CRYBG1: variants seen among roughly 807,000 people sequenced by gnomAD.
CRYBG1 encodes crystallin beta-gamma domain containing 1.
A neutral mutation model predicts 189.2 loss-of-function variants in CRYBG1; 139 were observed. The ratio of observed to expected loss-of-function variants is 0.73; its 90% CI spans 0.64 to 0.85. The LOEUF (loss-of-function observed/expected upper bound fraction) is 0.85, where lower values mean the gene tolerates loss of function less well. Ranked by LOEUF, CRYBG1 falls within the 40% of genes least tolerant of loss-of-function variation. CRYBG1 has a pLI of 0.00. For synonymous variants in CRYBG1, 1,023 were observed against 1,017.1 expected, an observed-to-expected ratio of 1.01 and a Z score of -0.11; for missense variants, 2,611 against 2,675.8, an observed-to-expected ratio of 0.98 and a Z score of 0.53.
chr6:106,467,005 G>A (rs938452761), intron 2 of CRYBG1, among the ~76,000 whole-genome samples: 1 of 152,180 alleles, frequency 6.6e-6, no homozygotes, highest in Non-Finnish European at 1.5e-5. Flanking sequence ...CTCAGAAACC[G>A]ACTGAGAGGC....
At chr6:106,429,710 A>G (rs933757441) in intron 1 of CRYBG1, among the ~76,000 whole-genome samples, 2 of 152,220 alleles carry the variant, frequency 1.3e-5, no homozygotes, top group Non-Finnish European at 2.9e-5. Context: ...CTGTAGGCCC[A>G]TTACTTAACC....
At chr6:106,423,252 T>G (rs892105736) in intron 1 of CRYBG1, among the ~76,000 whole-genome samples, 1 of 22,138 alleles carries the variant, frequency 4.5e-5, no homozygotes, top group African/African-American at 1.3e-4. Flanking sequence ...AGTTGGCTGG[T>G]TTTTTTTTTT....
At chr6:106,524,459 G>A (rs567944435) in intron 4 of CRYBG1, among the ~76,000 whole-genome samples, 31 of 152,200 alleles carry the variant, frequency 2.0e-4, no homozygotes, top group African/African-American at 6.3e-4. Context: ...CCAGCTACTC[G>A]GGAGGCTGAG....
intron 2 of CRYBG1, among the ~76,000 whole-genome samples, chr6:106,487,367 T>G (rs1772615145): frequency 1.3e-5 from 2 of 152,210 alleles, no homozygotes; most frequent in Non-Finnish European, 2.9e-5. Flanking sequence ...TTACCTATAT[T>G]GGTGAGTTTT....
intron 1 of CRYBG1, among the ~76,000 whole-genome samples, chr6:106,382,180 A>G (rs1263545386): frequency 2.0e-5 from 3 of 152,196 alleles, no homozygotes; most frequent in African/African-American, 7.2e-5. Flanking sequence ...TGTTGACAGT[A>G]CACGTGTGGT....
chr6:106,525,497 A>C, intron 6 of CRYBG1, 111 bp downstream of exon 6: 1 of 799,056 alleles, frequency 1.3e-6, no homozygotes, highest in Middle Eastern at 2.5e-4. Context: ...AATGAAAAGC[A>C]CAGGAAATAC....
intron 2 of CRYBG1, among the ~76,000 whole-genome samples, chr6:106,480,672 GA>G (rs144085216): frequency 0.22 from 29,652 of 137,896 alleles, 4,153 homozygotes; most frequent in African/African-American, 0.39. Context: ...ATCTCAAAAA[GA>G]AAAAAAAAAA....
At chr6:106,505,180 C>T (rs147441165) in intron 2 of CRYBG1, among the ~76,000 whole-genome samples, 63 of 151,982 alleles carry the variant, frequency 4.1e-4, no homozygotes, top group African/African-American at 1.3e-3. Flanking sequence ...CTGCAACCTC[C>T]GCCTCCCGGG....
In CRYBG1 at chr6:106,393,183, T is replaced by G. The variant is rs149481927; in HGVS notation, c.173+32102T>G. ...GCTGTTGGTTTCTAAATTGTAAACA[T>G]TGGGCTAGCTCATCAGAGTTCTGAG... On this transcript the variant is annotated intron_variant, in intron 1 of 21. Transcript: ENST00000633556. 3.9e-3 allele frequency among the ~76,000 whole-genome samples: 587 copies of G among 152,330 alleles called. 5 individuals are homozygous for G. Among genetic ancestry groups the G allele is most frequent in the African/African-American group, 0.014 (562 of 41,580 alleles).
At chr6:106,392,133 G>C (rs1230876804) in intron 1 of CRYBG1, among the ~76,000 whole-genome samples, 2 of 152,066 alleles carry the variant, frequency 1.3e-5, no homozygotes, top group Non-Finnish European at 2.9e-5. Flanking sequence ...TAGTCCCCGC[G>C]AATCTGTGTG....
intron 1 of CRYBG1, among the ~76,000 whole-genome samples, chr6:106,387,707 T>A (rs536258072): frequency 6.6e-6 from 1 of 152,214 alleles, no homozygotes; most frequent in South Asian, 2.1e-4. Flanking sequence ...AATTTTGTTG[T>A]GGGGAGGGGT....
chr6:106,495,692 T>C (rs1772831948), intron 2 of CRYBG1, among the ~76,000 whole-genome samples: 1 of 152,006 alleles, frequency 6.6e-6, no homozygotes, highest in Non-Finnish European at 1.5e-5. Flanking sequence ...TTACAGGTAA[T>C]CATTAACAAG....
chr6:106,560,925 A>C lies in CRYBG1; in HGVS notation c.5978A>C (p.Gln1993Pro). The C allele has an allele frequency of 1.3e-6, 2 of 1,599,736 alleles. No individual in the cohort carries two copies. Among genetic ancestry groups the C allele is most frequent in the South Asian group, 2.3e-5 (2 of 88,676 alleles). Residue 1993 changes from glutamine to proline, a missense_variant and splice_region_variant, in exon 19 of 22, where the codon CAG (glutamine) becomes CCG (proline). Around this residue, in one of 3 missense-constraint regions of CRYBG1, gnomAD observed 1,622 missense variants for 1,735.0 expected, o/e 0.93. Transcript: ENST00000633556. Reference protein sequence around the residue: ...RQIGSLRPFVQKRIYFRLRNK... With the variant: ...RQIGSLRPFVPKRIYFRLRNK... Reference sequence around the variant, plus strand: ...ATAGGTTCTCTACGACCTTTTGTTCAGGTATTTTCTTCCTCTCCATGCTCT... The same window carrying C: ...ATAGGTTCTCTACGACCTTTTGTTCCGGTATTTTCTTCCTCTCCATGCTCT...
chr6:106,380,656 G>T lies in CRYBG1; in HGVS notation c.173+19575G>T, dbSNP rs1382564865. On this transcript the variant is annotated intron_variant, in intron 1 of 21. Transcript: ENST00000633556. Reference sequence around the variant, plus strand: ...TGCTAATATTAGCTATGTTTATTCAGTGATGTCACTTGACTTTCTTGAGGC... The same window carrying T: ...TGCTAATATTAGCTATGTTTATTCATTGATGTCACTTGACTTTCTTGAGGC... Among the ~76,000 whole-genome samples the T allele has an allele frequency of 2.6e-5, 4 of 152,198 alleles. No homozygotes were observed. The East Asian group carries it at 7.7e-4, about 29-fold the overall frequency.
intron 1 of CRYBG1, among the ~76,000 whole-genome samples, chr6:106,420,127 A>C: frequency 6.6e-6 from 1 of 152,212 alleles, no homozygotes; most frequent in Non-Finnish European, 1.5e-5. Context: ...GTATAAACTG[A>C]AAAGTGACTG....
At chr6:106,548,553 C>T (rs1562114830) in intron 13 of CRYBG1, among the ~76,000 whole-genome samples, 1 of 152,124 alleles carries the variant, frequency 6.6e-6, no homozygotes, top group Non-Finnish European at 1.5e-5. Flanking sequence ...CATTCAGCCT[C>T]CCACCTCACT....
At chr6:106,385,301 G>A (rs1036797821) in intron 1 of CRYBG1, among the ~76,000 whole-genome samples, 10 of 152,140 alleles carry the variant, frequency 6.6e-5, no homozygotes, top group Middle Eastern at 3.2e-3. Flanking sequence ...TACTTTAATG[G>A]TGGTTGATAA....
rs182430899 is a variant in CRYBG1, at chr6:106,570,960, T to A, written c.*2394T>A. ...GAGTATATTAGGAAGTAAAAACACT[T>A]ACCGTAAATGAATATTCGAAGTGCA... On this transcript the variant is annotated 3_prime_UTR_variant, in exon 22 of 22. Coordinates refer to ENST00000633556, the MANE Select transcript of CRYBG1 (RefSeq NM_001371242.2). The A allele has an allele frequency of 6.6e-6, 1 of 152,250 alleles. No homozygotes were observed. Among genetic ancestry groups the A allele is most frequent in the Non-Finnish European group, 1.5e-5 (1 of 68,010 alleles). The allele number at this position is 152,250 out of a possible 1,614,324, so 9.4% of individuals were successfully genotyped here.
In CRYBG1 at chr6:106,512,453, G is replaced by C; in HGVS notation, c.1336G>C (p.Ala446Pro). ...ELPESAARDD[A>P]VFDDEVAPNA... ...CCCTGAGAGCGCTGCCAGGGACGAC[G>C]CGGTGTTCGACGACGAGGTGGCGCC... Residue 446 changes from alanine to proline, a missense_variant, in exon 3 of 22, where the codon GCG becomes CCG. By Grantham distance (27) the Ala-to-Pro change is conservative. This residue lies in a region of CRYBG1 where 985 missense variants were observed against 924.4 expected (regional missense o/e 1.07). Coordinates refer to ENST00000633556, the MANE Select transcript of CRYBG1 (RefSeq NM_001371242.2). 1.2e-6 allele frequency: 2 copies of C among 1,610,952 alleles called. No homozygotes were observed. Among genetic ancestry groups the C allele is most frequent in the Non-Finnish European group, 1.7e-6 (2 of 1,179,070 alleles).
Sources: gnomAD v4.1 joint callset for allele counts (sites outside exome capture counted in the v4.1 genomes callset) on GRCh38, gnomAD v4.1.1 for gene constraint, gnomAD v4.1.1 regional missense constraint, MANE v1.5 for transcripts, NCBI Gene and HGNC (gene_info 2026-07-23, HGNC 2026-07-21) for gene names.